Variants in SCUBE1 observed in about 807,000 individuals in gnomAD.
SCUBE1 encodes the protein signal peptide, CUB domain and EGF like domain containing 1.
In SCUBE1, 59 loss-of-function variants were observed where a neutral mutation model predicts 124.4. That is an observed-to-expected ratio of 0.47 (90% CI 0.38 to 0.59). The LOEUF is 0.59. Among genes scored for constraint, SCUBE1 ranks in the 20% least tolerant of loss-of-function variants. SCUBE1 has a pLI of 0.00. For synonymous variants in SCUBE1, 545 were observed against 550.9 expected (o/e 0.99, Z 0.15); for missense variants, 1,150 against 1,371.2 (o/e 0.84, Z 2.55).
Position 43,227,397 on chromosome 22 carries a change from T to C in SCUBE1, c.1184A>G (p.His395Arg). 6.2e-7 allele frequency: 1 copy of C among 1,611,766 alleles called. No individual in the cohort carries two copies. The highest frequency in any genetic ancestry group is 8.5e-7 in the Non-Finnish European group (1 of 1,179,690). The change falls in exon 10 of 22, where the codon CAC becomes CGC. Residue 395 changes from histidine to arginine, a missense_variant. This residue lies in a region of SCUBE1 where 757 missense variants were observed against 840.9 expected (regional missense o/e 0.90). Coordinates refer to ENST00000360835, the MANE Select transcript of SCUBE1 (RefSeq NM_173050.5). ...ACCCACGCAATCCTTCCCGTTCCAG[T>C]GGAGCCGCCTCCCCGGGGGACAGAC... ...ECVCPPGRRL[H>R]WNGKDCVETG...
intron 7 of SCUBE1, chr22:43,237,549 C>G (rs907307601): frequency 6.6e-6 from 1 of 152,226 alleles, no homozygotes; most frequent in East Asian, 1.9e-4. Context: ...CTGCCAGGAA[C>G]GCACCAAGGC....
At chr22:43,289,850 G>A (rs1327764196) in intron 4 of SCUBE1, among the ~76,000 whole-genome samples, 2 of 152,176 alleles carry the variant, frequency 1.3e-5, no homozygotes, top group South Asian at 2.1e-4. Context: ...CTGGAGCCCA[G>A]TGCGTGCCCT....
At chr22:43,216,803 C>G (rs957651821) in intron 15 of SCUBE1, among the ~76,000 whole-genome samples, 48 of 151,330 alleles carry the variant, frequency 3.2e-4, no homozygotes, top group African/African-American at 1.1e-3. Context: ...GGTGTCATCT[C>G]TTTACCAACA....
At chr22:43,314,934 C>T (rs1042034997) in intron 3 of SCUBE1, among the ~76,000 whole-genome samples, 1 of 152,118 alleles carries the variant, frequency 6.6e-6, no homozygotes, top group Non-Finnish European at 1.5e-5. Flanking sequence ...GGGATAGGGG[C>T]CTCCATCTGG....
At chr22:43,218,794 G>A (rs193288554) in intron 14 of SCUBE1, among the ~76,000 whole-genome samples, 24 of 152,340 alleles carry the variant, frequency 1.6e-4, no homozygotes, top group Non-Finnish European at 1.8e-4. Context: ...CTGTCCCCAG[G>A]ATAGTGTCCA....
chr22:43,284,659 A>C (rs775504016), intron 4 of SCUBE1, among the ~76,000 whole-genome samples: 13 of 152,266 alleles, frequency 8.5e-5, no homozygotes, highest in Non-Finnish European at 1.6e-4. Context: ...AAAATGGGGC[A>C]CTGTAAGGAC....
intron 3 of SCUBE1, among the ~76,000 whole-genome samples, chr22:43,315,906 GCT>G (rs1926330430): frequency 6.6e-6 from 1 of 152,222 alleles, no homozygotes; most frequent in East Asian, 1.9e-4. Flanking sequence ...GGGAGTACTT[GCT>G]GTAGCCAAGA....
intron 2 of SCUBE1, among the ~76,000 whole-genome samples, chr22:43,322,077 T>G (rs547448161): frequency 6.6e-6 from 1 of 152,198 alleles, no homozygotes; most frequent in African/African-American, 2.4e-5. Flanking sequence ...CTCCACCTCC[T>G]GGGTTCAAGC....
chr22:43,286,813 T>C (rs1269972594), intron 4 of SCUBE1, among the ~76,000 whole-genome samples: 4 of 152,184 alleles, frequency 2.6e-5, no homozygotes, highest in African/African-American at 9.7e-5. Flanking sequence ...TAAATACAAG[T>C]GACCTGCATT....
chr22:43,214,304 G>T, intron 15 of SCUBE1, 53 bp from the exon 16 acceptor site: 3 of 1,545,240 alleles, frequency 1.9e-6, no homozygotes, highest in Non-Finnish European at 2.6e-6. Flanking sequence ...GAGGCCAGGG[G>T]TGTCTCCTGT....
intron 14 of SCUBE1, 24 bp from the exon 15 acceptor site, chr22:43,218,482 C>T (rs1186144561): frequency 2.5e-6 from 4 of 1,602,308 alleles, no homozygotes; most frequent in South Asian, 2.2e-5. Flanking sequence ...AGAGACAGAA[C>T]ATGAATCGCT....
chr22:43,256,698 C>A (rs1923673167), intron 6 of SCUBE1, among the ~76,000 whole-genome samples: 1 of 152,244 alleles, frequency 6.6e-6, no homozygotes, highest in South Asian at 2.1e-4. Flanking sequence ...GGCCTGGCAG[C>A]CGTTTGCACT....
intron 3 of SCUBE1, among the ~76,000 whole-genome samples, chr22:43,295,077 T>G (rs1025351030): frequency 6.6e-6 from 1 of 152,082 alleles, no homozygotes; most frequent in African/African-American, 2.4e-5. Flanking sequence ...GCCCCATGAA[T>G]CCAAAGCCCT....
At chr22:43,238,455 T>C in intron 7 of SCUBE1, 7 of 531,326 alleles carry the variant, frequency 1.3e-5, no homozygotes, top group Non-Finnish European at 6.7e-6. Flanking sequence ...GGTCAAGGGG[T>C]TCGGAAACGC....
intron 2 of SCUBE1, among the ~76,000 whole-genome samples, chr22:43,330,458 C>T (rs1926869467): frequency 6.6e-6 from 1 of 152,214 alleles, no homozygotes; most frequent in Admixed American, 6.5e-5. Context: ...TTTGTATTTT[C>T]ATTGCTGCAC....
chr22:43,336,156 G>A (rs911654511), intron 2 of SCUBE1, among the ~76,000 whole-genome samples: 1 of 152,174 alleles, frequency 6.6e-6, no homozygotes, highest in Admixed American at 6.5e-5. Flanking sequence ...GCTGACCTGT[G>A]ATGGGGAGTA....
chr22:43,326,295 G>A (rs1926725948), intron 2 of SCUBE1, among the ~76,000 whole-genome samples: 6 of 152,122 alleles, frequency 3.9e-5, no homozygotes, highest in Admixed American at 2.6e-4. Context: ...TCCTTTGTCT[G>A]GGGGCTTTAA....
chr22:43,326,376 T>G (rs1452803550), intron 2 of SCUBE1, among the ~76,000 whole-genome samples: 1 of 152,150 alleles, frequency 6.6e-6, no homozygotes, highest in Admixed American at 6.5e-5. Flanking sequence ...GTTGAGTCCT[T>G]ATTGATGAAT....
At chr22:43,284,761 ATCGTCGTCG>A (rs3047381) in intron 4 of SCUBE1, among the ~76,000 whole-genome samples, 1 of 151,356 alleles carries the variant, frequency 6.6e-6, no homozygotes, top group Non-Finnish European at 1.5e-5. Context: ...CATCATCGTC[ATCGTCGTCG>A]TCGTCGTCGT....
Sources: allele counts gnomAD v4.1 joint callset (sites outside exome capture counted in the v4.1 genomes callset), GRCh38; gene constraint gnomAD v4.1.1; regional missense constraint gnomAD v4.1.1; transcripts MANE v1.5; gene names NCBI Gene and HGNC (gene_info 2026-07-23, HGNC 2026-07-21).